Variants in XKR6 observed in about 807,000 individuals in gnomAD.
XKR6 encodes XK related 6.
A neutral mutation model predicts 56.7 loss-of-function variants in XKR6; 22 were observed. The observed-to-expected ratio is 0.39, with a 90% CI of 0.28 to 0.55. The LOEUF is 0.55. Ranked by LOEUF, XKR6 falls within the 20% of genes least tolerant of loss-of-function variation. XKR6 has a pLI of 0.66. For missense variants in XKR6, 852 were observed against 889.0 expected (o/e 0.96, Z 0.53); for synonymous variants, 524 against 387.8 (o/e 1.35, Z -4.13).
rs1395006573 is a variant in XKR6 at position 10,924,619 on chromosome 8, C to T, written c.961+15G>A. ...GGCAGGCCGGGGTGGCGGGGCGCGGCCGGCGGGCACTCACAGGGCAGGGTC... is the reference window on the plus strand; with the variant it reads ...GGCAGGCCGGGGTGGCGGGGCGCGGTCGGCGGGCACTCACAGGGCAGGGTC... On this transcript the variant is annotated intron_variant, in intron 2 of 2. Transcript: ENST00000416569. 1 of 1,591,892 alleles carries T rather than the reference C, an allele frequency of 6.3e-7. No individual in the cohort carries two copies. The highest frequency in any genetic ancestry group is 8.6e-7 in the Non-Finnish European group (1 of 1,165,678).
intron 1 of XKR6, among the ~76,000 whole-genome samples, chr8:10,980,738 A>G (rs1348657756): frequency 2.0e-5 from 3 of 152,080 alleles, no homozygotes; most frequent in Admixed American, 6.5e-5. Context: ...TGTGATACCT[A>G]TCTATCGTCT....
chr8:11,177,319 T>C (rs1802710606), intron 1 of XKR6, among the ~76,000 whole-genome samples: 1 of 152,160 alleles, frequency 6.6e-6, no homozygotes, highest in African/African-American at 2.4e-5. Flanking sequence ...TGTCCTTATC[T>C]TAAGGGTTAC....
chr8:10,922,379 C>A (rs1403929197), intron 2 of XKR6, among the ~76,000 whole-genome samples: 1 of 152,198 alleles, frequency 6.6e-6, no homozygotes, highest in African/African-American at 2.4e-5. Flanking sequence ...GGAGGCCTCA[C>A]CAGGGAACCG....
At chr8:11,091,151 C>G (rs1798055674) in intron 1 of XKR6, among the ~76,000 whole-genome samples, 1 of 152,120 alleles carries the variant, frequency 6.6e-6, no homozygotes, top group East Asian at 1.9e-4. Context: ...AAGACAAAGG[C>G]CTGGAGTGGT....
At chr8:11,059,289 G>C (rs1449614026) in intron 1 of XKR6, among the ~76,000 whole-genome samples, 1 of 152,016 alleles carries the variant, frequency 6.6e-6, no homozygotes, top group Non-Finnish European at 1.5e-5. Flanking sequence ...AGAAATCTTT[G>C]TTGAGCGAAT....
chr8:11,191,759 A>C (rs1227025608), intron 1 of XKR6, among the ~76,000 whole-genome samples: 1 of 152,168 alleles, frequency 6.6e-6, no homozygotes, highest in Admixed American at 6.5e-5. Context: ...ATAATTCATA[A>C]ATTTTTATCA....
At chr8:11,099,807 G>A (rs577998055) in intron 1 of XKR6, among the ~76,000 whole-genome samples, 1 of 152,288 alleles carries the variant, frequency 6.6e-6, no homozygotes, top group Admixed American at 6.5e-5. Flanking sequence ...CATGATGGAG[G>A]TGATGAGGAA....
At chr8:11,065,386 G>A (rs1799948506) in intron 1 of XKR6, among the ~76,000 whole-genome samples, 1 of 152,266 alleles carries the variant, frequency 6.6e-6, no homozygotes, top group South Asian at 2.1e-4. Flanking sequence ...TCCTTGGCCA[G>A]CTCCACCATT....
At chr8:10,998,559 C>T (rs919908604) in intron 1 of XKR6, among the ~76,000 whole-genome samples, 4 of 152,172 alleles carry the variant, frequency 2.6e-5, no homozygotes, top group Admixed American at 6.5e-5. Flanking sequence ...TAGAGCAAAG[C>T]GTGGACAAGA....
chr8:11,042,088 A>G (rs557044483), intron 1 of XKR6, among the ~76,000 whole-genome samples: 64 of 151,932 alleles, frequency 4.2e-4, no homozygotes, highest in Non-Finnish European at 8.5e-4. Context: ...CACCTGTCTG[A>G]TTTTCCCGTT....
At chr8:11,111,652 T>A (rs902118865) in intron 1 of XKR6, 1 of 152,102 alleles carries the variant, frequency 6.6e-6, no homozygotes, top group Non-Finnish European at 1.5e-5. Context: ...CTTCAAAAGA[T>A]AACTGTCTCC....
rs569758162 is a variant in XKR6, at chr8:11,032,192, G to C, written c.765-107362C>G. On this transcript the variant is annotated intron_variant, in intron 1 of 2. Coordinates refer to ENST00000416569, the MANE Select transcript of XKR6 (RefSeq NM_173683.4). ...CTTTTACAAATTGGCACCAGACGCA[G>C]GGCTGAGAGCCAGATTAGGGAAGAA... Among the ~76,000 whole-genome samples the C allele has an allele frequency of 2.0e-5, 3 of 152,310 alleles. No individual in the cohort carries two copies. In the South Asian group the frequency reaches 6.2e-4, roughly 32 times the overall value.
At chr8:11,008,110 C>T (rs1054446464) in intron 1 of XKR6, among the ~76,000 whole-genome samples, 4 of 152,288 alleles carry the variant, frequency 2.6e-5, no homozygotes, top group Admixed American at 6.5e-5. Flanking sequence ...GGGAAGGCTG[C>T]CACGTTTACT....
intron 1 of XKR6, among the ~76,000 whole-genome samples, chr8:11,169,348 T>G (rs754090017): frequency 1.3e-5 from 2 of 152,188 alleles, no homozygotes. Context: ...TTGTGGTGCA[T>G]TGGTGACACT....
At chr8:10,912,175 G>A (rs980378888) in intron 2 of XKR6, among the ~76,000 whole-genome samples, 1 of 143,876 alleles carries the variant, frequency 7.0e-6, no homozygotes, top group Non-Finnish European at 1.5e-5. Context: ...ATATATAGAG[G>A]GTATGTGTAT....
chr8:10,986,581 A>T (rs1030200259), intron 1 of XKR6, among the ~76,000 whole-genome samples: 3 of 152,182 alleles, frequency 2.0e-5, no homozygotes, highest in African/African-American at 7.2e-5. Context: ...TTTGAGCAAG[A>T]AAAAAGTGTG....
At chr8:10,926,449 G>T (rs1287864069) in intron 1 of XKR6, among the ~76,000 whole-genome samples, 1 of 152,240 alleles carries the variant, frequency 6.6e-6, no homozygotes, top group African/African-American at 2.4e-5. Flanking sequence ...GATCCTGAAG[G>T]CACCCAGCCA....
At chr8:10,985,749 G>T (rs1290855103) in intron 1 of XKR6, among the ~76,000 whole-genome samples, 1 of 152,072 alleles carries the variant, frequency 6.6e-6, no homozygotes, top group Non-Finnish European at 1.5e-5. Flanking sequence ...AAATTACGCA[G>T]TCTCTGGTAT....
At chr8:10,986,144 T>C (rs1055234695) in intron 1 of XKR6, among the ~76,000 whole-genome samples, 2 of 152,204 alleles carry the variant, frequency 1.3e-5, no homozygotes, top group Non-Finnish European at 2.9e-5. Context: ...CACACTGGAA[T>C]ATGATAAATG....
Sources: gnomAD v4.1 joint callset for allele counts (sites outside exome capture counted in the v4.1 genomes callset) on GRCh38, gnomAD v4.1.1 for gene constraint, MANE v1.5 for transcripts, NCBI Gene and HGNC (gene_info 2026-07-23, HGNC 2026-07-21) for gene names.